The following ARID2 variants were observed in gnomAD, a reference collection of about 807,000 sequenced individuals.
ARID2 encodes the protein AT-rich interaction domain 2.
A neutral mutation model predicts 184.6 loss-of-function variants in ARID2; 32 were observed. The ratio of observed to expected loss-of-function variants is 0.17; its 90% CI spans 0.13 to 0.23. The LOEUF is 0.23. Ranked by LOEUF, ARID2 falls within the 10% of genes least tolerant of loss-of-function variation. The pLI, the probability that ARID2 is intolerant of heterozygous loss-of-function variation, is 1.00. For missense variants in ARID2, 1,696 were observed against 2,197.6 expected, an observed-to-expected ratio of 0.77 and a Z score of 4.56; for synonymous variants, 836 against 772.6, an observed-to-expected ratio of 1.08 and a Z score of -1.36.
At chr12:45,898,961 G>T (rs1048239132) in intron 20 of ARID2, among the ~76,000 whole-genome samples, 3 of 151,590 alleles carry the variant, frequency 2.0e-5, no homozygotes, top group Non-Finnish European at 4.4e-5. Flanking sequence ...CTCAATGAAG[G>T]TGTTAGAAAA....
Position 45,892,027 on chromosome 12 carries a change from A to G in ARID2, c.5078A>G (p.Lys1693Arg). Reference protein sequence around the residue: ...ITHLQDKHCSKDALLAGLKQD... With the variant: ...ITHLQDKHCSRDALLAGLKQD... Reference sequence around the variant, plus strand: ...CTCAAAAAGGATAAGCACTGTTCAAAGGATGCCCTACTTGCAGGATTAAAA... The same window carrying G: ...CTCAAAAAGGATAAGCACTGTTCAAGGGATGCCCTACTTGCAGGATTAAAA... Residue 1693 changes from lysine to arginine, a missense_variant, in exon 18 of 21, where the codon AAG becomes AGG. Physicochemically the swap from Lys to Arg is conservative, Grantham distance 26. Around this residue, in one of 11 missense-constraint regions of ARID2, gnomAD observed 58 missense variants for 47.1 expected, o/e 1.23. Transcript: ENST00000334344. The G allele has an allele frequency of 1.9e-6, 3 of 1,614,180 alleles. No individual in the cohort carries two copies. The highest frequency in any genetic ancestry group is 2.5e-6 in the Non-Finnish European group (3 of 1,180,002).
chr12:45,739,988 C>T (rs578205319), intron 3 of ARID2, among the ~76,000 whole-genome samples: 1 of 152,178 alleles, frequency 6.6e-6, no homozygotes, highest in Non-Finnish European at 1.5e-5. Context: ...TACGCTTGAG[C>T]TCAGATCAGA....
At chr12:45,761,506 G>T (rs1400201758) in intron 3 of ARID2, among the ~76,000 whole-genome samples, 1 of 152,072 alleles carries the variant, frequency 6.6e-6, no homozygotes, top group African/African-American at 2.4e-5. Flanking sequence ...GCATGGATTT[G>T]TTTTTCTACC....
intron 3 of ARID2, among the ~76,000 whole-genome samples, chr12:45,804,489 CGTGT>C (rs141399769): frequency 1.4e-4 from 20 of 146,488 alleles, no homozygotes; most frequent in Non-Finnish European, 2.3e-4. Context: ...CGTGTGTGTG[CGTGT>C]GTGTGTGTGT....
chr12:45,888,602 C>T (rs1944237936), intron 16 of ARID2, among the ~76,000 whole-genome samples: 1 of 152,200 alleles, frequency 6.6e-6, no homozygotes, highest in Non-Finnish European at 1.5e-5. Flanking sequence ...ACCACCACTA[C>T]TGCTACTATT....
chr12:45,737,418 C>T (rs1192736717), intron 3 of ARID2, among the ~76,000 whole-genome samples: 1 of 151,364 alleles, frequency 6.6e-6, no homozygotes, highest in African/African-American at 2.4e-5. Flanking sequence ...GTTCTTTAGA[C>T]TGTCTTAAAT....
At chr12:45,754,424 G>T (rs1010797501) in intron 3 of ARID2, among the ~76,000 whole-genome samples, 14 of 152,118 alleles carry the variant, frequency 9.2e-5, no homozygotes, top group African/African-American at 3.4e-4. Flanking sequence ...GTCAGTACAC[G>T]TTGGTAGAAT....
intron 16 of ARID2, chr12:45,873,924 T>TA (rs1290110630): frequency 1.3e-5 from 2 of 152,206 alleles, no homozygotes; most frequent in Non-Finnish European, 2.9e-5. Flanking sequence ...TAAAATAAGG[T>TA]AATGAAGTTT....
Position 45,852,859 on chromosome 12 carries a change from A to C in ARID2, c.4736A>C (p.Gln1579Pro). The change falls in exon 15 of 21, where the codon CAG (glutamine) becomes CCG (proline). Residue 1579 changes from glutamine to proline, a missense_variant. Physicochemically the swap from Gln to Pro is moderately conservative, Grantham distance 76. Around this residue, in one of 11 missense-constraint regions of ARID2, gnomAD observed 111 missense variants for 154.0 expected, o/e 0.72. Coordinates refer to ENST00000334344, the MANE Select transcript of ARID2 (RefSeq NM_152641.4). ...GAAAGTGCTGTTCAGCAAAAGCAAC[A>C]GCATCCACCAACATATGTACAGAAT... ...AIESAVQQKQQHPPTYVQNVV... is the reference protein window; with the variant it reads ...AIESAVQQKQPHPPTYVQNVV... 4 of 1,610,206 alleles carry C rather than the reference A, an allele frequency of 2.5e-6. No homozygotes were observed. The highest frequency in any genetic ancestry group is 3.4e-6 in the Non-Finnish European group (4 of 1,177,708).
chr12:45,746,679 A>G (rs1941361724), intron 3 of ARID2, among the ~76,000 whole-genome samples: 1 of 152,090 alleles, frequency 6.6e-6, no homozygotes, highest in East Asian at 1.9e-4. Flanking sequence ...CCTATGACAT[A>G]GATACTGTTA....
chr12:45,885,693 T>G (rs1040509431), intron 16 of ARID2, among the ~76,000 whole-genome samples: 1 of 152,190 alleles, frequency 6.6e-6, no homozygotes, highest in Admixed American at 6.5e-5. Flanking sequence ...TCAGGAAACT[T>G]GCAATCATGG....
chr12:45,760,669 G>A (rs765551602), intron 3 of ARID2, among the ~76,000 whole-genome samples: 1 of 151,674 alleles, frequency 6.6e-6, no homozygotes, highest in Non-Finnish European at 1.5e-5. Context: ...ATTCACATTT[G>A]CTTTTTTACC....
At chr12:45,752,690 T>G (rs566892924) in intron 3 of ARID2, among the ~76,000 whole-genome samples, 1 of 152,288 alleles carries the variant, frequency 6.6e-6, no homozygotes, top group African/African-American at 2.4e-5. Flanking sequence ...CCAGCTGATT[T>G]TTTGTAGAGG....
chr12:45,750,350 G>A (rs924926711), intron 3 of ARID2, among the ~76,000 whole-genome samples: 6 of 152,150 alleles, frequency 3.9e-5, no homozygotes, highest in South Asian at 2.1e-4. Context: ...TAGAATATTA[G>A]CATCAAAGAT....
intron 3 of ARID2, among the ~76,000 whole-genome samples, chr12:45,735,651 T>C (rs1310301752): frequency 6.6e-6 from 1 of 152,132 alleles, no homozygotes; most frequent in African/African-American, 2.4e-5. Flanking sequence ...AAAAACCTGA[T>C]TTTGATATTT....
intron 3 of ARID2, among the ~76,000 whole-genome samples, chr12:45,780,242 A>G (rs1942063077): frequency 6.6e-6 from 1 of 152,204 alleles, no homozygotes; most frequent in Non-Finnish European, 1.5e-5. Flanking sequence ...GTTAGGGATG[A>G]GGGGGTAGAA....
Position 45,893,645 on chromosome 12 carries a change from C to A in ARID2, c.5287C>A (p.Pro1763Thr). ...FRDFTDEKEG[P>T]ITKHIRLTAA... ...TCTTTTTAAGGATGAAAAAGAGGGA[C>A]CAATAACTAAACACATCCGACTAAC... Residue 1763 changes from proline (P) to threonine (T), a missense_variant, in exon 20 of 21, where the codon CCA becomes ACA. By Grantham distance (38) the Pro-to-Thr change is conservative. Transcript: ENST00000334344. The A allele has an allele frequency of 6.2e-7, 1 of 1,604,004 alleles. No homozygotes were observed. The highest frequency in any genetic ancestry group is 8.5e-7 in the Non-Finnish European group (1 of 1,177,218).
chr12:45,886,812 G>A (rs1192782978), intron 16 of ARID2, among the ~76,000 whole-genome samples: 1 of 152,196 alleles, frequency 6.6e-6, no homozygotes, highest in African/African-American at 2.4e-5. Flanking sequence ...GCCATGGCTG[G>A]AACAGCTGGG....
At chr12:45,736,500 A>G (rs1941127443) in intron 3 of ARID2, among the ~76,000 whole-genome samples, 1 of 152,166 alleles carries the variant, frequency 6.6e-6, no homozygotes, top group African/African-American at 2.4e-5. Context: ...TTTTTAGGTA[A>G]AGTATTTAAA....
Sources: gnomAD v4.1 joint callset for allele counts (sites outside exome capture counted in the v4.1 genomes callset) on GRCh38, gnomAD v4.1.1 for gene constraint, gnomAD v4.1.1 regional missense constraint, MANE v1.5 for transcripts, NCBI Gene and HGNC (gene_info 2026-07-23, HGNC 2026-07-21) for gene names.